The following ZP3 variants were observed in gnomAD, a reference collection of about 807,000 sequenced individuals.
The protein encoded by ZP3 is zona pellucida sperm-binding protein 3.
A neutral mutation model predicts 35.6 loss-of-function variants in ZP3; 21 were observed. That is an observed-to-expected ratio of 0.59 (90% CI 0.42 to 0.85). The LOEUF is 0.85. Ranked by LOEUF, ZP3 falls within the 40% of genes least tolerant of loss-of-function variation. The probability of loss-of-function intolerance (pLI) is 0.00; values close to 1 mark genes in which losing one functional copy is unlikely to be tolerated. For synonymous variants in ZP3, 207 were observed against 214.5 expected, an observed-to-expected ratio of 0.96 and a Z score of 0.31; for missense variants, 437 against 536.5, an observed-to-expected ratio of 0.81 and a Z score of 1.83.
chr7:76,408,911 TCCA>T (rs992612070), intron 1 of ZP3, among the ~76,000 whole-genome samples: 1 of 152,138 alleles, frequency 6.6e-6, no homozygotes, highest in African/African-American at 2.4e-5. Context: ...CAGCATCAGC[TCCA>T]CCATCTCCTA....
chr7:76,440,160 T>A, intron 5 of ZP3, 90 bp from the exon 6 acceptor site: 4 of 1,482,636 alleles, frequency 2.7e-6, no homozygotes, highest in Non-Finnish European at 3.7e-6. Flanking sequence ...TCTCACTCTT[T>A]AAAGGGTTGA....
chr7:76,441,335 C>T (rs985194342), intron 7 of ZP3, among the ~76,000 whole-genome samples: 1 of 149,700 alleles, frequency 6.7e-6, no homozygotes, highest in African/African-American at 2.5e-5. Flanking sequence ...ACTAGGGAAT[C>T]CCTCTTGGGT....
At chr7:76,425,364 G>A in intron 1 of ZP3, 88 bp downstream of exon 1, 2 of 1,397,358 alleles carry the variant, frequency 1.4e-6, no homozygotes, top group Middle Eastern at 2.0e-4. Context: ...GTGGGAGGTG[G>A]GGTTGGGTGG....
intron 1 of ZP3, among the ~76,000 whole-genome samples, chr7:76,419,933 C>G (rs939781358): frequency 6.6e-6 from 1 of 151,996 alleles, no homozygotes; most frequent in African/African-American, 2.4e-5. Flanking sequence ...TCCCCAGTAG[C>G]TGGGATTACA....
intron 1 of ZP3, among the ~76,000 whole-genome samples, chr7:76,419,905 G>C (rs1012251923): frequency 4.6e-5 from 7 of 151,212 alleles, no homozygotes; most frequent in African/African-American, 7.3e-5. Context: ...AGGTTCAAGC[G>C]ATTCTCCTGC....
At chr7:76,416,285 C>G (rs1343934906) in intron 1 of ZP3, among the ~76,000 whole-genome samples, 3 of 149,266 alleles carry the variant, frequency 2.0e-5, no homozygotes, top group Non-Finnish European at 4.5e-5. Context: ...AAAAATTAAC[C>G]AAGTATGGTG....
At chr7:76,425,919 CTAA>C (rs961232216) in intron 1 of ZP3, among the ~76,000 whole-genome samples, 5 of 151,962 alleles carry the variant, frequency 3.3e-5, no homozygotes, top group African/African-American at 7.2e-5. Flanking sequence ...CCCATCTCTA[CTAA>C]TAATACAAAA....
chr7:76,426,907 C>CACACACACACACACACACAAAA (rs57796274), intron 1 of ZP3, among the ~76,000 whole-genome samples: 62 of 126,936 alleles, frequency 4.9e-4, no homozygotes, highest in African/African-American at 1.9e-3. Context: ...CACACACACA[C>CACACACACACACACACACAAAA]AATAGGGTGT....
At chr7:76,424,820 TC>T, upstream of ZP3, 4 of 696,172 alleles carry the variant, frequency 5.7e-6, no homozygotes, top group Non-Finnish European at 9.3e-6. Flanking sequence ...TACTGATGCT[TC>T]TGGATGGAGA....
intron 1 of ZP3, among the ~76,000 whole-genome samples, chr7:76,407,038 G>A (rs963644796): frequency 6.6e-6 from 1 of 152,078 alleles, no homozygotes. Flanking sequence ...TCAGCTCACT[G>A]CAACCTCCAC....
At chr7:76,400,469 G>A in intron 1 of ZP3, 1 of 1,608,494 alleles carries the variant, frequency 6.2e-7, no homozygotes, top group Non-Finnish European at 8.5e-7. Flanking sequence ...CAGCCCAGCT[G>A]GCGACACACT....
At chr7:76,421,370 A>G (rs2115867968), upstream of ZP3, among the ~76,000 whole-genome samples, 1 of 152,066 alleles carries the variant, frequency 6.6e-6, no homozygotes, top group African/African-American at 2.4e-5. Context: ...AGCTAGGACT[A>G]CAGCTTCCCA....
In ZP3 at chr7:76,441,825, G is replaced by A. The variant is rs769173779; in HGVS notation, c.1061-17G>A. On this transcript the variant is annotated splice_polypyrimidine_tract_variant and intron_variant, in intron 7 of 7. Coordinates refer to ENST00000394857, the MANE Select transcript of ZP3 (RefSeq NM_001110354.2). ...AGGGACTAAGATAACCCTTGGTTGTGTGTTCTCCTTTCACAGTGACAGAAG... is the reference window on the plus strand; with the variant it reads ...AGGGACTAAGATAACCCTTGGTTGTATGTTCTCCTTTCACAGTGACAGAAG... 4 of 1,613,878 alleles carry A rather than the reference G, an allele frequency of 2.5e-6. No individual in the cohort carries two copies. Among genetic ancestry groups the A allele is most frequent in the Admixed American group, 3.3e-5 (2 of 59,974 alleles).
intron 1 of ZP3, among the ~76,000 whole-genome samples, chr7:76,402,069 G>T (rs1804847971): frequency 2.0e-5 from 3 of 151,616 alleles, no homozygotes; most frequent in Admixed American, 2.0e-4. Context: ...ACCCAGCCTG[G>T]AGTGCAGTGA....
chr7:76,415,881 G>A (rs1584045954), intron 1 of ZP3, among the ~76,000 whole-genome samples: 1 of 151,536 alleles, frequency 6.6e-6, no homozygotes, highest in Non-Finnish European at 1.5e-5. Flanking sequence ...TGTAATCCCA[G>A]CACTTTGGGA....
intron 5 of ZP3, among the ~76,000 whole-genome samples, chr7:76,438,557 A>AAAAAG (rs759616662): frequency 8.3e-5 from 12 of 143,894 alleles, no homozygotes; most frequent in Non-Finnish European, 1.8e-4. Flanking sequence ...AAAAAAAAAA[A>AAAAAG]GGGTAGCGGG....
Position 76,441,936 on chromosome 7 carries a change from C to A in ZP3, c.1155C>A (p.Thr385=). Reference sequence around the variant, plus strand: ...AGCAGTGGGCTTTGCCTTCTGACACCTCAGTGGTGCTGCTGGGCGTAGGCC... The same window carrying A: ...AGCAGTGGGCTTTGCCTTCTGACACATCAGTGGTGCTGCTGGGCGTAGGCC... ...EVEQWALPSD[T]SVVLLGVGLA... The change falls in exon 8 of 8, where the codon ACC becomes ACA. Residue 385 remains threonine (T), a synonymous_variant. Coordinates refer to ENST00000394857, the MANE Select transcript of ZP3 (RefSeq NM_001110354.2). 1.9e-6 allele frequency: 3 copies of A among 1,555,268 alleles called. No homozygotes were observed. The highest frequency in any genetic ancestry group is 2.7e-6 in the Non-Finnish European group (3 of 1,131,032).
chr7:76,410,903 G>C (rs2115835882), intron 1 of ZP3, among the ~76,000 whole-genome samples: 1 of 151,036 alleles, frequency 6.6e-6, no homozygotes, highest in Non-Finnish European at 1.5e-5. Flanking sequence ...GCTGAGGTGG[G>C]AGAATCGCCT....
At chr7:76,398,520 G>A (rs1804713443) in intron 1 of ZP3, among the ~76,000 whole-genome samples, 1 of 152,136 alleles carries the variant, frequency 6.6e-6, no homozygotes, top group African/African-American at 2.4e-5. Context: ...GGCCAGTCTG[G>A]TCTGGAGCTC....
Sources: allele counts gnomAD v4.1 joint callset (sites outside exome capture counted in the v4.1 genomes callset), GRCh38; gene constraint gnomAD v4.1.1; transcripts MANE v1.5; gene names NCBI Gene and HGNC (gene_info 2026-07-23, HGNC 2026-07-21).